Variants in HECTD4 observed in about 807,000 individuals in gnomAD.
HECTD4 encodes the protein HECT domain E3 ubiquitin protein ligase 4.
A neutral mutation model predicts 471.5 loss-of-function variants in HECTD4; 114 were observed. The ratio of observed to expected loss-of-function variants is 0.24; its 90% CI spans 0.21 to 0.28. HECTD4 has a LOEUF of 0.28. HECTD4 is among the 10% of genes least tolerant of loss of function. The pLI is 1.00. For missense variants in HECTD4, 3,866 were observed against 5,651.5 expected, an observed-to-expected ratio of 0.68 and a Z score of 10.13; for synonymous variants, 2,012 against 2,256.0, an observed-to-expected ratio of 0.89 and a Z score of 3.07.
At chr12:112,277,682 G>C (rs2034554287) in intron 9 of HECTD4, among the ~76,000 whole-genome samples, 1 of 152,156 alleles carries the variant, frequency 6.6e-6, no homozygotes, top group African/African-American at 2.4e-5. Flanking sequence ...AAGCGAGGGT[G>C]GAATTGTGCA....
In HECTD4 at chr12:112,184,005, C is replaced by G. The variant is rs2031768015; in HGVS notation, c.10779+182G>C. 6.6e-6 allele frequency among the ~76,000 whole-genome samples: 1 copy of G among 152,228 alleles called. No individual in the cohort carries two copies. The highest frequency in any genetic ancestry group is 1.5e-5 in the Non-Finnish European group (1 of 68,046). On this transcript the variant is annotated intron_variant, in intron 61 of 75. Coordinates refer to ENST00000682272, the MANE Select transcript of HECTD4 (RefSeq NM_001388303.1). The surrounding 1 kb of genome is among the most constrained non-coding windows in gnomAD (Gnocchi z 9.1). Reference sequence around the variant, plus strand: ...CTCCCCTTTACTTCGTGATATGGGACTTGGTGTCACTCAGAGACGTTACCC... The same window carrying G: ...CTCCCCTTTACTTCGTGATATGGGAGTTGGTGTCACTCAGAGACGTTACCC...
In HECTD4 at chr12:112,256,390, T is replaced by G; in HGVS notation, c.3257A>C (p.His1086Pro). The G allele has an allele frequency of 1.2e-6, 2 of 1,613,130 alleles. No homozygotes were observed. Among genetic ancestry groups the G allele is most frequent in the East Asian group, 4.5e-5 (2 of 44,848 alleles). The change falls in exon 21 of 76, where the codon CAT becomes CCT. Residue 1086 changes from histidine (H) to proline (P), a missense_variant. By Grantham distance (77) the His-to-Pro change is moderately conservative. Coordinates refer to ENST00000682272, the MANE Select transcript of HECTD4 (RefSeq NM_001388303.1). ...GTACAGGCAGCGAGCTCCTGGGATA[T>G]GGACCGTTTCTTTAAATTTATAGTT... ...RDNYKFKETV[H>P]IPGARCLYLR...
intron 59 of HECTD4, among the ~76,000 whole-genome samples, chr12:112,192,292 C>T (rs1421974126): frequency 2.0e-5 from 3 of 152,226 alleles, no homozygotes; most frequent in Admixed American, 6.5e-5. Context: ...TAAACAGACA[C>T]ATCTCAGCAC....
chr12:112,339,733 A>G (rs1859593401), intron 1 of HECTD4, among the ~76,000 whole-genome samples: 1 of 152,228 alleles, frequency 6.6e-6, no homozygotes, highest in South Asian at 2.1e-4. Context: ...TAAACCTACC[A>G]TAAGTGGAAA....
Position 112,210,102 on chromosome 12 carries a change from C to A in HECTD4, c.7780G>T (p.Asp2594Tyr). 1 of 1,614,008 alleles carries A rather than the reference C, an allele frequency of 6.2e-7. No individual in the cohort carries two copies. The highest frequency in any genetic ancestry group is 1.1e-5 in the South Asian group (1 of 91,074). The part of the protein sequence containing the change: ...ALPFAMASDS[D>Y]NDAGTSIASD... ...GCAATACTGGTGCCAGCATCATTGT[C>A]ACTGTCAGATGCCATGGCGAAAGGC... The change falls in exon 50 of 76, where the codon GAC becomes TAC. Residue 2594 changes from aspartate to tyrosine, a missense_variant. By Grantham distance (160) the Asp-to-Tyr change is radical. Around this residue, in one of 16 missense-constraint regions of HECTD4, gnomAD observed 8 missense variants for 34.6 expected, o/e 0.23. Transcript: ENST00000682272.
chr12:112,303,972 C>A (rs1418779906), intron 7 of HECTD4, among the ~76,000 whole-genome samples: 1 of 151,770 alleles, frequency 6.6e-6, no homozygotes, highest in Non-Finnish European at 1.5e-5. Context: ...TTGTTTATAT[C>A]TGGCGTTCAT....
chr12:112,289,681 G>T (rs1189042530), intron 7 of HECTD4, among the ~76,000 whole-genome samples: 2 of 151,740 alleles, frequency 1.3e-5, no homozygotes, highest in Admixed American at 6.6e-5. Context: ...TTCTTTGTTT[G>T]TTTGTTTGTT....
intron 21 of HECTD4, 26 bp downstream of exon 21, chr12:112,256,294 C>A (rs2034007971): frequency 1.3e-6 from 2 of 1,489,060 alleles, no homozygotes; most frequent in Non-Finnish European, 1.8e-6. Flanking sequence ...CGAGGTGGAA[C>A]CAATAGTAAC....
At chr12:112,218,487 T>C (rs2032995990) in intron 45 of HECTD4, among the ~76,000 whole-genome samples, 1 of 152,236 alleles carries the variant, frequency 6.6e-6, no homozygotes, top group Non-Finnish European at 1.5e-5. Flanking sequence ...AGACATTTCA[T>C]ATAAATGGAA....
chr12:112,164,018 G>C (rs549747227), intron 73 of HECTD4, 91 bp downstream of exon 73: 1 of 1,280,254 alleles, frequency 7.8e-7, no homozygotes, highest in African/African-American at 1.5e-5. Flanking sequence ...CTAGGTCCTC[G>C]TGTCATTGCC....
intron 21 of HECTD4, among the ~76,000 whole-genome samples, chr12:112,254,971 G>A (rs946439548): frequency 1.3e-5 from 2 of 152,156 alleles, no homozygotes; most frequent in African/African-American, 4.8e-5. Context: ...AGATTTAGTA[G>A]CTCTATCTTC....
chr12:112,181,375 G>A (rs1042543108), intron 62 of HECTD4, among the ~76,000 whole-genome samples: 1 of 152,088 alleles, frequency 6.6e-6, no homozygotes, highest in Non-Finnish European at 1.5e-5. Flanking sequence ...CTTACTGACT[G>A]AGTTTTTTGG....
At chr12:112,257,350 G>A (rs1002304005) in intron 20 of HECTD4, among the ~76,000 whole-genome samples, 7 of 152,320 alleles carry the variant, frequency 4.6e-5, no homozygotes, top group South Asian at 2.1e-4. Flanking sequence ...TCATCACTGC[G>A]AAAAGCTCAA....
At chr12:112,237,660 T>A (rs1057326465) in intron 34 of HECTD4, among the ~76,000 whole-genome samples, 5 of 152,174 alleles carry the variant, frequency 3.3e-5, no homozygotes, top group Non-Finnish European at 7.4e-5. Flanking sequence ...AGCTGGTCTC[T>A]GGGACCTCTA....
chr12:112,200,884 CGTGTGTGT>C (rs3835014), intron 54 of HECTD4, 86 bp from the exon 55 acceptor site: 180 of 698,556 alleles, frequency 2.6e-4, no homozygotes, highest in Middle Eastern at 3.5e-4. Flanking sequence ...TGCGTGCGTG[CGTGTGTGT>C]GTGTGTGTGT....
At chr12:112,175,685 A>C in intron 66 of HECTD4, 51 bp downstream of exon 66, 2 of 1,586,236 alleles carry the variant, frequency 1.3e-6, no homozygotes, top group Non-Finnish European at 1.7e-6. Flanking sequence ...CTCTTGGCTG[A>C]AAACAATTTC....
chr12:112,175,429 G>A (rs2031401984), intron 66 of HECTD4, among the ~76,000 whole-genome samples: 2 of 152,302 alleles, frequency 1.3e-5, no homozygotes, highest in Middle Eastern at 6.8e-3. Flanking sequence ...CTTGATCTGG[G>A]CCTTCCAGCC....
chr12:112,269,020 G>C (rs12301466), intron 13 of HECTD4, among the ~76,000 whole-genome samples: 1 of 150,678 alleles, frequency 6.6e-6, no homozygotes. Context: ...GACTACAGGA[G>C]CGCGCCACCA....
At chr12:112,280,948 AC>A (rs768917501) in intron 8 of HECTD4, among the ~76,000 whole-genome samples, 1 of 151,212 alleles carries the variant, frequency 6.6e-6, no homozygotes, top group South Asian at 2.1e-4. Context: ...CCACCATCAC[AC>A]CCGGCTAATT....
Sources: gnomAD v4.1 joint callset for allele counts (sites outside exome capture counted in the v4.1 genomes callset) on GRCh38, gnomAD v4.1.1 for gene constraint, gnomAD v4.1.1 regional missense constraint, Gnocchi (gnomAD v3.1) non-coding constraint, MANE v1.5 for transcripts, NCBI Gene and HGNC (gene_info 2026-07-23, HGNC 2026-07-21) for gene names.